The following CACNA1B variants were observed in gnomAD, a reference collection of about 807,000 sequenced individuals.
The protein encoded by CACNA1B is calcium voltage-gated channel subunit alpha1 B.
A neutral mutation model predicts 247.2 loss-of-function variants in CACNA1B; 70 were observed. The ratio of observed to expected loss-of-function variants is 0.28; its 90% CI spans 0.23 to 0.35. The LOEUF (loss-of-function observed/expected upper bound fraction) is 0.35. Ranked by LOEUF, CACNA1B falls within the 10% of genes least tolerant of loss-of-function variation. The pLI, the probability that CACNA1B is intolerant of heterozygous loss-of-function variation, is 1.00. For synonymous variants in CACNA1B, 1,231 were observed against 1,294.4 expected (o/e 0.95, Z 1.05); for missense variants, 2,367 against 3,197.4 (o/e 0.74, Z 6.26).
Position 137,877,858 on chromosome 9 carries a change from C to G in CACNA1B, c.-76C>G, listed in dbSNP as rs1956854443. ...TCCCGGCGGCTCCGTGGCTGCTCCG[C>G]TCTGAGCGCCTGGCGCGCCCCGCGC... is the stretch of plus-strand genomic sequence containing the variant. On this transcript the variant is annotated 5_prime_UTR_variant, in exon 1 of 47. Coordinates refer to ENST00000371372, the MANE Select transcript of CACNA1B (RefSeq NM_000718.4). The G allele has an allele frequency of 2.3e-6, 2 of 858,264 alleles. No homozygotes were observed. The highest frequency in any genetic ancestry group is 3.7e-5 in the African/African-American group (2 of 54,454). 53.2% of individuals were successfully genotyped at this position (858,264 alleles called of 1,614,324 possible).
At chr9:138,039,520 T>C (rs1281066288) in intron 20 of CACNA1B, among the ~76,000 whole-genome samples, 2 of 152,210 alleles carry the variant, frequency 1.3e-5, no homozygotes, top group Non-Finnish European at 2.9e-5. Context: ...ATTTTGTTTT[T>C]TTAGGACACA....
At chr9:138,045,237 T>C (rs1428760074) in intron 21 of CACNA1B, among the ~76,000 whole-genome samples, 1 of 151,994 alleles carries the variant, frequency 6.6e-6, no homozygotes, top group African/African-American at 2.4e-5. Flanking sequence ...TGTTCTGTTG[T>C]GGGGTTGGGG....
At chr9:138,024,693 A>G (rs920303067) in intron 19 of CACNA1B, among the ~76,000 whole-genome samples, 1 of 152,170 alleles carries the variant, frequency 6.6e-6, no homozygotes, top group East Asian at 1.9e-4. Context: ...CAGTGGCGCA[A>G]TCATGGCTCA....
At position 138,023,791 on chromosome 9, in the gene CACNA1B, G is replaced by A; in HGVS notation, c.3048G>A (p.Glu1016=). 1.4e-6 allele frequency: 2 copies of A among 1,458,334 alleles called. No individual in the cohort carries two copies. 90.3% of individuals were successfully genotyped at this position (1,458,334 alleles called of 1,614,324 possible). ...TAGTGGAAGCCGACAAGGAAAAGGA[G>A]CTCCGGAACCACCAGCCCCGGTGAG... ...AEIVEADKEK[E]LRNHQPREPH... is the part of the protein sequence containing the mutation. Residue 1016 remains glutamate, a synonymous_variant, in exon 19 of 47, where the codon GAG becomes GAA. Transcript: ENST00000371372.
chr9:138,058,580 T>A lies in CACNA1B; in HGVS notation c.4320T>A (p.Ile1440=). Residue 1440 remains isoleucine, a synonymous_variant, in exon 29 of 47, where the codon ATT becomes ATA. Transcript: ENST00000371372. The surrounding 1 kb of genome is among the most constrained non-coding windows in gnomAD (Gnocchi z 4.7). The part of the protein sequence containing the change: ...CSLEKNERAC[I]DFAISAKPLT... ...TTCTCCCCTTACAGAGGGCTTGCAT[T>A]GACTTCGCCATCAGCGCCAAACCCC... 1.9e-6 allele frequency: 3 copies of A among 1,610,762 alleles called. No individual in the cohort carries two copies. The highest frequency in any genetic ancestry group is 2.5e-6 in the Non-Finnish European group (3 of 1,179,088).
chr9:138,023,604 G>A lies in CACNA1B; in HGVS notation c.2861G>A (p.Arg954Gln), dbSNP rs1306846610. 2 of 1,116,608 alleles carry A rather than the reference G, an allele frequency of 1.8e-6. No homozygotes were observed. Among genetic ancestry groups the A allele is most frequent in the African/African-American group, 1.7e-5 (1 of 58,992 alleles). 69.2% of individuals were successfully genotyped at this position (1,116,608 alleles called of 1,614,324 possible). A position where few individuals can be genotyped will look rare whatever the true frequency, so the allele number is the denominator to read the frequency against. ...GAGTGCGCCGGCGCCAAGGGCGAGC[G>A]GCGCGCGCGGCACCGCGGCGGCCCC... is the stretch of plus-strand genomic sequence containing the variant. ...SKECAGAKGERRARHRGGPRA... is the reference protein window; with the variant it reads ...SKECAGAKGEQRARHRGGPRA... Residue 954 changes from arginine to glutamine, a missense_variant, in exon 19 of 47, where the codon CGG becomes CAG. Physicochemically the swap from Arg to Gln is conservative, Grantham distance 43. This residue lies in a region of CACNA1B where 631 missense variants were observed against 631.1 expected (regional missense o/e 1.00). Transcript: ENST00000371372.
Position 137,888,114 on chromosome 9 carries a change from A to G in CACNA1B, c.530+5231A>G, listed in dbSNP as rs1268191488. 6.6e-6 allele frequency among the ~76,000 whole-genome samples: 1 copy of G among 151,144 alleles called. No homozygotes were observed. Among genetic ancestry groups the G allele is most frequent in the Non-Finnish European group, 1.5e-5 (1 of 67,674 alleles). ...GGCACAGTGTAGACGGTAGGGAAGG[A>G]GAGTGGGAGCCGGAAGCAGTGATCC... On this transcript the variant is annotated intron_variant, in intron 3 of 46. Coordinates refer to ENST00000371372, the MANE Select transcript of CACNA1B (RefSeq NM_000718.4). The surrounding 1 kb of genome is among the most constrained non-coding windows in gnomAD (Gnocchi z 4.7).
In CACNA1B at chr9:138,019,612, C is replaced by T. The variant is rs879326500; in HGVS notation, c.2268-3399C>T. On this transcript the variant is annotated intron_variant, in intron 18 of 46. Coordinates refer to ENST00000371372, the MANE Select transcript of CACNA1B (RefSeq NM_000718.4). Reference sequence around the variant, plus strand: ...TGATGGAAGTGGCCAGGTGTCCTGTCCCTGTCCTAGTGGTGGTGAGGCCCC... The same window carrying T: ...TGATGGAAGTGGCCAGGTGTCCTGTTCCTGTCCTAGTGGTGGTGAGGCCCC... Among the ~76,000 whole-genome samples the T allele has an allele frequency of 1.4e-3, 211 of 152,292 alleles. 2 individuals are homozygous for T. Among genetic ancestry groups the T allele is most frequent in the Non-Finnish European group, 1.6e-3 (106 of 68,020 alleles).
Position 138,057,179 on chromosome 9 carries a change from C to T in CACNA1B, c.3969-553C>T, listed in dbSNP as rs191031901. On this transcript the variant is annotated intron_variant, in intron 26 of 46. Coordinates refer to ENST00000371372, the MANE Select transcript of CACNA1B (RefSeq NM_000718.4). The surrounding 1 kb of genome is among the most constrained non-coding windows in gnomAD (Gnocchi z 4.0). ...GTCTCCATCTCCTGACCTCGTGATC[C>T]GCCCGCCTCGGCCTCCCAAAGTGCT... Among the ~76,000 whole-genome samples, 238 of 152,126 alleles carry T rather than the reference C, an allele frequency of 1.6e-3. 2 individuals carry two copies. The highest frequency in any genetic ancestry group is 2.4e-3 in the Non-Finnish European group (162 of 67,982).
At chr9:138,027,112 C>T (rs868492279) in intron 20 of CACNA1B, among the ~76,000 whole-genome samples, 37 of 152,104 alleles carry the variant, frequency 2.4e-4, no homozygotes, top group Admixed American at 2.3e-3. Flanking sequence ...TTTATTCTGG[C>T]TGTTTGTTTT....
chr9:137,935,101 A>G (rs1957650272), intron 6 of CACNA1B, among the ~76,000 whole-genome samples: 1 of 152,096 alleles, frequency 6.6e-6, no homozygotes, highest in Non-Finnish European at 1.5e-5. Context: ...GAGGGGATAA[A>G]TTTTCTTTTT....
chr9:138,111,120 C>T (rs1418890513), intron 39 of CACNA1B, among the ~76,000 whole-genome samples: 1 of 152,178 alleles, frequency 6.6e-6, no homozygotes, highest in Admixed American at 6.5e-5. Context: ...AATGGTGCAG[C>T]CCCTTAGACA....
At chr9:138,032,934 G>A (rs1291820793) in intron 20 of CACNA1B, among the ~76,000 whole-genome samples, 1 of 152,012 alleles carries the variant, frequency 6.6e-6, no homozygotes, top group African/African-American at 2.4e-5. Context: ...TGCCAAATTT[G>A]GAAATTTTTC....
Position 138,069,775 on chromosome 9 carries a change from G to T in CACNA1B, c.4674+12G>T. 6.2e-7 allele frequency: 1 copy of T among 1,608,592 alleles called. No homozygotes were observed. The highest frequency in any genetic ancestry group is 1.7e-4 in the Middle Eastern group (1 of 6,052). On this transcript the variant is annotated intron_variant, in intron 32 of 46. Coordinates refer to ENST00000371372, the MANE Select transcript of CACNA1B (RefSeq NM_000718.4). ...ACATGTAGGAAACGGTTGGTTTCAC[G>T]ACTCTGAACGGTTCTTGCAAGTCCT...
chr9:138,115,060 A>G (rs1961805817), intron 41 of CACNA1B, among the ~76,000 whole-genome samples: 1 of 152,156 alleles, frequency 6.6e-6, no homozygotes, highest in African/African-American at 2.4e-5. Context: ...GATGGAGAAT[A>G]TGTGGTGCTC....
intron 20 of CACNA1B, among the ~76,000 whole-genome samples, chr9:138,032,501 C>T (rs1958999375): frequency 6.6e-6 from 1 of 151,356 alleles, no homozygotes; most frequent in African/African-American, 2.4e-5. Context: ...TCCAATATTT[C>T]TTCTTTCATA....
chr9:138,013,934 C>T (rs1415458578), intron 18 of CACNA1B, among the ~76,000 whole-genome samples: 2 of 152,220 alleles, frequency 1.3e-5, no homozygotes, highest in Non-Finnish European at 2.9e-5. Flanking sequence ...TCTCTAGGCC[C>T]AGCTGAATTT....
intron 36 of CACNA1B, among the ~76,000 whole-genome samples, chr9:138,083,741 GC>G (rs1159285878): frequency 6.6e-6 from 1 of 150,576 alleles, no homozygotes; most frequent in Non-Finnish European, 1.5e-5. Flanking sequence ...AGCTAGACTT[GC>G]CCCCTGGAGT....
In CACNA1B at chr9:137,913,371, C is replaced by A; in HGVS notation, c.622+100C>A. ...CATGGCCATGGTTTGGCTTTGGTGA[C>A]TCTGAGCTTGCCACTTTTGACCCCA... On this transcript the variant is annotated intron_variant, in intron 4 of 46. Transcript: ENST00000371372. This position sits in a 1 kb window ranked among gnomAD's most constrained non-coding sequence, Gnocchi z 5.2. 1.1e-6 allele frequency: 1 copy of A among 925,362 alleles called. No individual in the cohort carries two copies. The allele number at this position is 925,362 out of a possible 1,614,324, so 57.3% of individuals were successfully genotyped here.
Sources: gnomAD v4.1 joint callset for allele counts (sites outside exome capture counted in the v4.1 genomes callset) on GRCh38, gnomAD v4.1.1 for gene constraint, gnomAD v4.1.1 regional missense constraint, Gnocchi (gnomAD v3.1) non-coding constraint, MANE v1.5 for transcripts, NCBI Gene and HGNC (gene_info 2026-07-23, HGNC 2026-07-21) for gene names.